The following ALOX5 variants were observed in gnomAD, a reference collection of about 807,000 sequenced individuals.
ALOX5 encodes the protein polyunsaturated fatty acid 5-lipoxygenase.
Under a neutral mutation model 87.9 loss-of-function variants are expected in ALOX5, and 64 were observed. The observed-to-expected ratio is 0.73, with a 90% confidence interval of 0.60 to 0.90. The LOEUF is 0.90. Ranked by LOEUF, ALOX5 falls within the 40% of genes least tolerant of loss-of-function variation. The pLI, the probability that ALOX5 is intolerant of heterozygous loss-of-function variation, is 0.00. For missense variants in ALOX5, 822 were observed against 907.5 expected (o/e 0.91, Z 1.21); for synonymous variants, 388 against 355.1 (o/e 1.09, Z -1.04).
At chr10:45,428,421 C>G in intron 6 of ALOX5, 197 bp from the exon 7 acceptor site, 1 of 648,756 alleles carries the variant, frequency 1.5e-6, no homozygotes, top group East Asian at 2.8e-5. Flanking sequence ...TCATCTTACC[C>G]CGAACTGCCA....
At chr10:45,393,015 A>C (rs187310430) in intron 2 of ALOX5, among the ~76,000 whole-genome samples, 142 of 152,340 alleles carry the variant, frequency 9.3e-4, no homozygotes, top group African/African-American at 2.7e-3. Context: ...GCCGAATTCT[A>C]CCAGAGGTAC....
At chr10:45,379,622 G>A (rs1839759229) in intron 1 of ALOX5, among the ~76,000 whole-genome samples, 1 of 152,242 alleles carries the variant, frequency 6.6e-6, no homozygotes, top group Non-Finnish European at 1.5e-5. Context: ...GCGGTGTGGG[G>A]CCTGGTGCCC....
At chr10:45,375,357 G>A (rs1839563960) in intron 1 of ALOX5, among the ~76,000 whole-genome samples, 2 of 152,138 alleles carry the variant, frequency 1.3e-5, no homozygotes, top group African/African-American at 2.4e-5. Context: ...AGCCTTTAAT[G>A]AAGTGCCTAA....
intron 6 of ALOX5, among the ~76,000 whole-genome samples, chr10:45,427,271 G>C (rs1168812816): frequency 6.6e-6 from 1 of 152,146 alleles, no homozygotes; most frequent in Non-Finnish European, 1.5e-5. Flanking sequence ...GGTCACTTCA[G>C]CTCTCAAAGT....
chr10:45,377,659 C>T (rs1839671343), intron 1 of ALOX5, among the ~76,000 whole-genome samples: 1 of 152,162 alleles, frequency 6.6e-6, no homozygotes, highest in Admixed American at 6.5e-5. Context: ...CAATCTTCCT[C>T]TCTGCTCTAC....
intron 7 of ALOX5, among the ~76,000 whole-genome samples, chr10:45,429,541 C>G (rs1841844576): frequency 6.6e-6 from 1 of 152,222 alleles, no homozygotes. Context: ...GATTCTAAAT[C>G]TAAAAAATCT....
At chr10:45,416,972 T>A (rs527294236) in intron 4 of ALOX5, among the ~76,000 whole-genome samples, 1 of 152,120 alleles carries the variant, frequency 6.6e-6, no homozygotes, top group South Asian at 2.1e-4. Flanking sequence ...GAATTAATGG[T>A]GGAGTGAAGG....
rs901207042 is a variant in ALOX5 at position 45,419,472 on chromosome 10, G to T, written c.555-4569G>T. On this transcript the variant is annotated intron_variant, in intron 4 of 13. Transcript: ENST00000374391. Reference sequence around the variant, plus strand: ...ACCTGGGGGCAGGCAGAGGCCTAGGGGGTGGGCTCTGAGGGCAGCCACTCC... The same window carrying T: ...ACCTGGGGGCAGGCAGAGGCCTAGGTGGTGGGCTCTGAGGGCAGCCACTCC... Among the ~76,000 whole-genome samples the T allele has an allele frequency of 9.8e-5, 15 of 152,322 alleles. 1 individual carries two copies. In the South Asian group the frequency reaches 1.2e-3, roughly 13 times the overall value.
intron 6 of ALOX5, 126 bp from the exon 7 acceptor site, chr10:45,428,492 C>G: frequency 8.3e-7 from 1 of 1,209,910 alleles, no homozygotes; most frequent in South Asian, 1.4e-5. Flanking sequence ...GAGAAGTACA[C>G]ATTCTGAGCT....
At chr10:45,413,949 C>A (rs1470044228) in intron 4 of ALOX5, among the ~76,000 whole-genome samples, 7 of 152,144 alleles carry the variant, frequency 4.6e-5, no homozygotes, top group Non-Finnish European at 1.0e-4. Context: ...AGGACACAAA[C>A]AAATGGAAGA....
At chr10:45,427,098 C>T (rs1305764630) in intron 6 of ALOX5, among the ~76,000 whole-genome samples, 1 of 152,188 alleles carries the variant, frequency 6.6e-6, no homozygotes, top group African/African-American at 2.4e-5. Context: ...AAGGTAGGCC[C>T]GCCCCTCGTT....
intron 1 of ALOX5, among the ~76,000 whole-genome samples, chr10:45,374,778 C>A (rs914470602): frequency 2.6e-5 from 4 of 152,180 alleles, no homozygotes; most frequent in Admixed American, 6.5e-5. Flanking sequence ...GCTCCGGAGC[C>A]CCCTTCACTG....
intron 4 of ALOX5, among the ~76,000 whole-genome samples, chr10:45,414,006 C>G (rs1841170352): frequency 6.6e-6 from 1 of 152,128 alleles, no homozygotes; most frequent in African/African-American, 2.4e-5. Flanking sequence ...TGAAAATGGC[C>G]ATACTCCCAA....
intron 7 of ALOX5, among the ~76,000 whole-genome samples, chr10:45,433,111 A>G (rs1262860662): frequency 6.6e-6 from 1 of 152,278 alleles, no homozygotes; most frequent in Non-Finnish European, 1.5e-5. Flanking sequence ...ATGAGATATC[A>G]TTTCTGACAT....
chr10:45,386,315 A>T (rs1253095491), intron 2 of ALOX5, among the ~76,000 whole-genome samples: 1 of 151,504 alleles, frequency 6.6e-6, no homozygotes, highest in Admixed American at 6.6e-5. Context: ...AAAAAAAAAA[A>T]ATTAGCCAGG....
chr10:45,420,854 TG>T (rs1418399668), intron 4 of ALOX5, among the ~76,000 whole-genome samples: 1 of 152,122 alleles, frequency 6.6e-6, no homozygotes, highest in Non-Finnish European at 1.5e-5. Flanking sequence ...TAAAGCAAAT[TG>T]AGAAAGAGAG....
chr10:45,443,245 G>A, intron 10 of ALOX5, 29 bp downstream of exon 10: 1 of 1,602,816 alleles, frequency 6.2e-7, no homozygotes. Flanking sequence ...GTGGTCCTGG[G>A]GGAGGAGCCG....
At chr10:45,409,269 G>A (rs1207582574) in intron 3 of ALOX5, among the ~76,000 whole-genome samples, 2 of 152,202 alleles carry the variant, frequency 1.3e-5, no homozygotes, top group African/African-American at 4.8e-5. Context: ...GTCACTCGGA[G>A]CCTGCTCTGG....
chr10:45,434,265 C>A (rs1841997993), intron 7 of ALOX5, among the ~76,000 whole-genome samples: 1 of 152,336 alleles, frequency 6.6e-6, no homozygotes, highest in Non-Finnish European at 1.5e-5. Flanking sequence ...GAGAGTGAAA[C>A]TGTCTGAGGA....
Sources: gnomAD v4.1 joint callset for allele counts (sites outside exome capture counted in the v4.1 genomes callset) on GRCh38, gnomAD v4.1.1 for gene constraint, MANE v1.5 for transcripts, NCBI Gene and HGNC (gene_info 2026-07-23, HGNC 2026-07-21) for gene names.